Variants in PCDH15 observed in about 807,000 individuals in gnomAD.
PCDH15 encodes the protein protocadherin related 15.
Under a neutral mutation model 178.5 loss-of-function variants are expected in PCDH15, and 129 were observed. The ratio of observed to expected loss-of-function variants is 0.72; its 90% CI spans 0.63 to 0.84. The LOEUF (loss-of-function observed/expected upper bound fraction) is 0.84, where lower values mean the gene tolerates loss of function less well. Among genes scored for constraint, PCDH15 ranks in the 40% least tolerant of loss-of-function variants. The pLI, the probability that PCDH15 is intolerant of heterozygous loss-of-function variation, is 0.00. For missense variants in PCDH15, 2,230 were observed against 2,099.9 expected, an observed-to-expected ratio of 1.06 and a Z score of -1.21; for synonymous variants, 800 against 732.0, an observed-to-expected ratio of 1.09 and a Z score of -1.50.
chr10:54,917,706 G>T (rs1354685722), intron 2 of PCDH15, among the ~76,000 whole-genome samples: 1 of 152,070 alleles, frequency 6.6e-6, no homozygotes, highest in African/African-American at 2.4e-5. Flanking sequence ...GAAGACTAGA[G>T]GTGGTCTCCA....
At chr10:55,180,143 G>C (rs1338746104) in intron 1 of PCDH15, among the ~76,000 whole-genome samples, 1 of 152,026 alleles carries the variant, frequency 6.6e-6, no homozygotes, top group East Asian at 1.9e-4. Flanking sequence ...AAAGAACTCT[G>C]AGAAGTTGGA....
At chr10:54,686,743 T>G (rs2095019293) in intron 1 of PCDH15, among the ~76,000 whole-genome samples, 1 of 152,180 alleles carries the variant, frequency 6.6e-6, no homozygotes, top group African/African-American at 2.4e-5. Flanking sequence ...CTGTATCATA[T>G]TCCAGTATTC....
intron 1 of PCDH15, among the ~76,000 whole-genome samples, chr10:55,262,323 G>A (rs1842166629): frequency 7.6e-6 from 1 of 130,920 alleles, no homozygotes; most frequent in South Asian, 2.9e-4. Flanking sequence ...TCACACCTGG[G>A]CCTATGCCCA....
intron 1 of PCDH15, among the ~76,000 whole-genome samples, chr10:55,166,857 C>G (rs917350970): frequency 2.6e-5 from 4 of 152,092 alleles, no homozygotes; most frequent in African/African-American, 9.7e-5. Context: ...AGACTTAAGT[C>G]TAATTTAAAA....
In PCDH15 at chr10:55,315,447, CAA is replaced by C. The variant is rs1843700209; in HGVS notation, c.-156+4150_-156+4151del. Among the ~76,000 whole-genome samples, 2 of 151,972 alleles carry C rather than the reference CAA, an allele frequency of 1.3e-5. 1 individual carries two copies. The highest frequency in any genetic ancestry group is 4.1e-4 in the South Asian group (2 of 4,822). ...TATTTCCAAAGATATAAATTATAGGCAAAGTTACACAGTTTATTAATAGTCTA... is the reference window on the plus strand; with the variant it reads ...TATTTCCAAAGATATAAATTATAGGCAGTTACACAGTTTATTAATAGTCTA... On this transcript the variant is annotated intron_variant, in intron 1 of 5. Coordinates refer to the PCDH15 transcript ENST00000458638.
chr10:55,064,845 C>T (rs1038349997), intron 2 of PCDH15, among the ~76,000 whole-genome samples: 2 of 152,020 alleles, frequency 1.3e-5, no homozygotes, highest in African/African-American at 4.8e-5. Context: ...AACAAAGGTG[C>T]TAAACTATTA....
At chr10:54,337,217 T>A (rs1161076895) in intron 6 of PCDH15, among the ~76,000 whole-genome samples, 1 of 152,182 alleles carries the variant, frequency 6.6e-6, no homozygotes, top group Non-Finnish European at 1.5e-5. Context: ...ACTTGCTTTG[T>A]CTCAGATGAG....
Position 55,210,618 on chromosome 10 carries a change from C to CTTTTTTTTTTTTTTTT in PCDH15, c.-155-43983_-155-43968dup, listed in dbSNP as rs11412877. Reference sequence around the variant, plus strand: ...ACGATTTTTTTTTCTTTTTTCTTTTCTTTTTTTTTTTTTTTTTTTTTTTTT... The same window carrying CTTTTTTTTTTTTTTTT: ...ACGATTTTTTTTTCTTTTTTCTTTTCTTTTTTTTTTTTTTTTTTTTTTTTTTTTTTTTTTTTTTTTT... On this transcript the variant is annotated intron_variant, in intron 1 of 5. Transcript: ENST00000458638. Among the ~76,000 whole-genome samples the CTTTTTTTTTTTTTTTT allele has an allele frequency of 5.7e-4, 23 of 40,336 alleles. 5 individuals are homozygous for CTTTTTTTTTTTTTTTT. The highest frequency in any genetic ancestry group is 1.7e-3 in the East Asian group (2 of 1,184). 26.5% of individuals were successfully genotyped at this position (40,336 alleles called of 152,430 possible). A position where few individuals can be genotyped will look rare whatever the true frequency, so the allele number is the denominator to read the frequency against.
At chr10:54,426,431 A>G (rs1342556040) in intron 3 of PCDH15, among the ~76,000 whole-genome samples, 1 of 152,112 alleles carries the variant, frequency 6.6e-6, no homozygotes, top group Admixed American at 6.6e-5. Context: ...TATGATAATC[A>G]AATGCTGCCA....
intron 25 of PCDH15, among the ~76,000 whole-genome samples, chr10:53,934,834 C>T (rs540478149): frequency 1.9e-4 from 29 of 151,948 alleles, no homozygotes; most frequent in Admixed American, 3.3e-4. Context: ...GTTCCAATAA[C>T]GCCTGGAGTC....
intron 18 of PCDH15, among the ~76,000 whole-genome samples, chr10:54,064,063 C>T (rs777043627): frequency 6.6e-6 from 1 of 152,134 alleles, no homozygotes; most frequent in Non-Finnish European, 1.5e-5. Context: ...ATGAGGTACG[C>T]GCACAGCTGG....
chr10:53,978,765 A>G (rs1564914668), intron 21 of PCDH15, among the ~76,000 whole-genome samples: 1 of 151,270 alleles, frequency 6.6e-6, no homozygotes, highest in African/African-American at 2.4e-5. Flanking sequence ...TCCACCAGGT[A>G]CCCTAAGTCA....
chr10:54,906,220 C>T (rs1954718992), intron 2 of PCDH15, among the ~76,000 whole-genome samples: 1 of 152,104 alleles, frequency 6.6e-6, no homozygotes, highest in Non-Finnish European at 1.5e-5. Context: ...TTATCCACAT[C>T]ATTGAAAGTC....
At chr10:54,215,664 G>T (rs1236484503) in intron 9 of PCDH15, among the ~76,000 whole-genome samples, 1 of 152,144 alleles carries the variant, frequency 6.6e-6, no homozygotes, top group Non-Finnish European at 1.5e-5. Context: ...AAAGAGATAA[G>T]TTTAACTATA....
intron 2 of PCDH15, among the ~76,000 whole-genome samples, chr10:55,126,171 C>T (rs537950440): frequency 6.6e-6 from 1 of 152,100 alleles, no homozygotes; most frequent in South Asian, 2.1e-4. Context: ...TTGACTTCCT[C>T]TTATTCCTGC....
intron 1 of PCDH15, among the ~76,000 whole-genome samples, chr10:54,739,125 T>A (rs896055307): frequency 1.3e-5 from 2 of 152,002 alleles, no homozygotes; most frequent in Middle Eastern, 3.2e-3. Flanking sequence ...TTGTCCTTTT[T>A]TGCAGATGAT....
At chr10:55,364,587 G>T (rs1365457206) in intron 2 of PCDH15, among the ~76,000 whole-genome samples, 5 of 152,042 alleles carry the variant, frequency 3.3e-5, no homozygotes, top group Admixed American at 3.3e-4. Context: ...TTTTCACAGA[G>T]GCACATGGCT....
At chr10:54,576,972 T>C (rs1206016543) in intron 2 of PCDH15, among the ~76,000 whole-genome samples, 2 of 152,160 alleles carry the variant, frequency 1.3e-5, no homozygotes, top group African/African-American at 2.4e-5. Context: ...GAAGTCTTTA[T>C]GCAAAGATAG....
At chr10:54,629,923 C>A (rs755747270) in intron 2 of PCDH15, among the ~76,000 whole-genome samples, 5 of 152,048 alleles carry the variant, frequency 3.3e-5, no homozygotes, top group Non-Finnish European at 7.4e-5. Context: ...ATACAAAAAT[C>A]AGTAGCATTT....
Sources: gnomAD v4.1 joint callset for allele counts (sites outside exome capture counted in the v4.1 genomes callset) on GRCh38, gnomAD v4.1.1 for gene constraint, MANE v1.5 for transcripts, NCBI Gene and HGNC (gene_info 2026-07-23, HGNC 2026-07-21) for gene names.